Variants in PKHD1L1 observed in about 807,000 individuals in gnomAD.
PKHD1L1 encodes the protein PKHD1 like 1.
Under a neutral mutation model 462.9 loss-of-function variants are expected in PKHD1L1, and 434 were observed. The ratio of observed to expected loss-of-function variants is 0.94; its 90% CI spans 0.87 to 1.02. The LOEUF (loss-of-function observed/expected upper bound fraction) is 1.02. Ranked by LOEUF, PKHD1L1 falls within the 50% of genes least tolerant of loss-of-function variation. The pLI is 0.00. For synonymous variants in PKHD1L1, 1,781 were observed against 1,750.0 expected, an observed-to-expected ratio of 1.02 and a Z score of -0.44; for missense variants, 5,202 against 5,096.1, an observed-to-expected ratio of 1.02 and a Z score of -0.63.
intron 38 of PKHD1L1, among the ~76,000 whole-genome samples, chr8:109,446,061 ATTAAC>A (rs576201522): frequency 1.3e-5 from 2 of 152,332 alleles, no homozygotes; most frequent in African/African-American, 4.8e-5. Context: ...ACAAATGAAT[ATTAAC>A]TTATTAGCAT....
chr8:109,426,876 C>G, intron 24 of PKHD1L1, 126 bp from the exon 25 acceptor site: 1 of 642,308 alleles, frequency 1.6e-6, no homozygotes, highest in Non-Finnish European at 2.8e-6. Context: ...TGATCTCAAA[C>G]GCCTGACCTC....
chr8:109,441,165 T>A, intron 33 of PKHD1L1, 110 bp from the exon 34 acceptor site: 2 of 761,952 alleles, frequency 2.6e-6, no homozygotes, highest in South Asian at 4.7e-5. Flanking sequence ...AGGCAGAGTT[T>A]TTTTTAGGGT....
intron 42 of PKHD1L1, among the ~76,000 whole-genome samples, 178 bp from the exon 43 acceptor site, chr8:109,452,540 G>A (rs1033016481): frequency 6.6e-6 from 1 of 150,742 alleles, no homozygotes; most frequent in South Asian, 2.1e-4. Context: ...AAACCAAGAG[G>A]CAATTATGAC....
At chr8:109,439,152 G>T in intron 32 of PKHD1L1, 60 bp downstream of exon 32, 1 of 1,457,118 alleles carries the variant, frequency 6.9e-7, no homozygotes. Flanking sequence ...GTGGAATTGG[G>T]ATAGGAAAAG....
At chr8:109,514,073 CT>C (rs1269462866) in intron 71 of PKHD1L1, among the ~76,000 whole-genome samples, 2 of 152,270 alleles carry the variant, frequency 1.3e-5, no homozygotes, top group East Asian at 3.9e-4. Context: ...TCTCCCACCC[CT>C]GAGCTCTCTG....
chr8:109,529,046 T>C (rs1014121005), intron 77 of PKHD1L1, among the ~76,000 whole-genome samples: 1 of 152,160 alleles, frequency 6.6e-6, no homozygotes, highest in Non-Finnish European at 1.5e-5. Context: ...GGTAACAATT[T>C]AGAAGAATAC....
intron 5 of PKHD1L1, among the ~76,000 whole-genome samples, chr8:109,384,354 C>T (rs919873078): frequency 1.3e-5 from 2 of 151,922 alleles, no homozygotes; most frequent in African/African-American, 4.8e-5. Flanking sequence ...GCCTGGGCAA[C>T]ATCATGAGAC....
At chr8:109,475,763 G>T (rs539084982) in intron 51 of PKHD1L1, among the ~76,000 whole-genome samples, 4 of 146,758 alleles carry the variant, frequency 2.7e-5, no homozygotes, top group Admixed American at 7.0e-5. Flanking sequence ...CAGGAGAATC[G>T]CTTGAACCCA....
At chr8:109,438,508 T>G in intron 31 of PKHD1L1, 52 bp downstream of exon 31, 1 of 1,459,950 alleles carries the variant, frequency 6.8e-7, no homozygotes, top group Non-Finnish European at 9.1e-7. Flanking sequence ...TAAAAAACAT[T>G]TCTAGAAAGG....
At chr8:109,437,617 C>T (rs1815503123) in intron 30 of PKHD1L1, among the ~76,000 whole-genome samples, 1 of 151,056 alleles carries the variant, frequency 6.6e-6, no homozygotes, top group African/African-American at 2.4e-5. Flanking sequence ...CTGTCACTGA[C>T]TTTTTTTAAA....
rs1305977300 is a variant in PKHD1L1 at position 109,496,899 on chromosome 8, G to T, written c.10328-20G>T. 1 of 1,598,224 alleles carries T rather than the reference G, an allele frequency of 6.3e-7. No individual in the cohort carries two copies. The highest frequency in any genetic ancestry group is 8.5e-7 in the Non-Finnish European group (1 of 1,170,802). On this transcript the variant is annotated intron_variant, in intron 63 of 77. Coordinates refer to ENST00000378402, the MANE Select transcript of PKHD1L1 (RefSeq NM_177531.6). Reference sequence around the variant, plus strand: ...CATGAAATGTAGTGTTCATTCTCTGGTTCTATATTTCCCTCCAAGGCCAGT... The same window carrying T: ...CATGAAATGTAGTGTTCATTCTCTGTTTCTATATTTCCCTCCAAGGCCAGT...
chr8:109,364,412 T>C (rs918022554), intron 1 of PKHD1L1, 135 bp from the exon 2 acceptor site: 1 of 689,810 alleles, frequency 1.4e-6, no homozygotes, highest in African/African-American at 1.8e-5. Context: ...AAATAAAACC[T>C]GGGTGAATTT....
At position 109,389,081 on chromosome 8, in the gene PKHD1L1, A is replaced by C. The variant is rs533309592; in HGVS notation, c.626A>C (p.Tyr209Ser). Residue 209 changes from tyrosine to serine, a missense_variant and splice_region_variant, in exon 8 of 78, where the codon TAT becomes TCT. By Grantham distance (144) the Tyr-to-Ser change is moderately radical (BLOSUM62 -2). This residue lies in a region of PKHD1L1 where 4,497 missense variants were observed against 4,336.8 expected (regional missense o/e 1.04). Coordinates refer to ENST00000378402, the MANE Select transcript of PKHD1L1 (RefSeq NM_177531.6). ...ELLIPQSDNL[Y>S]GLKLDHPNGD... ...GACATTAACTTTTTTTTAATTAGAT[A>C]TGGTCTAAAACTGGATCATCCAAAT... 1 of 1,594,414 alleles carries C rather than the reference A, an allele frequency of 6.3e-7. No individual in the cohort carries two copies. The highest frequency in any genetic ancestry group is 1.4e-5 in the African/African-American group (1 of 74,056).
At chr8:109,490,808 A>G (rs190478353) in intron 60 of PKHD1L1, among the ~76,000 whole-genome samples, 164 bp from the exon 61 acceptor site, 8 of 151,928 alleles carry the variant, frequency 5.3e-5, no homozygotes, top group African/African-American at 1.9e-4. Context: ...CATATTTTAT[A>G]TATGGATATA....
In PKHD1L1 at chr8:109,530,129, G is replaced by A. The variant is rs1355129871; in HGVS notation, c.*39G>A. ...AGAATAGGCTGAAACAAAAATATAAGAATTATTAGCTACTTTGTTGGGCAA... is the reference window on the plus strand; with the variant it reads ...AGAATAGGCTGAAACAAAAATATAAAAATTATTAGCTACTTTGTTGGGCAA... On this transcript the variant is annotated 3_prime_UTR_variant, in exon 78 of 78. Transcript: ENST00000378402. 8.7e-6 allele frequency: 11 copies of A among 1,264,214 alleles called. No homozygotes were observed. The highest frequency in any genetic ancestry group is 1.1e-5 in the Non-Finnish European group (11 of 965,890). The allele number at this position is 1,264,214 out of a possible 1,614,324, so 78.3% of individuals were successfully genotyped here.
chr8:109,434,425 T>C (rs1815281430), intron 28 of PKHD1L1, among the ~76,000 whole-genome samples: 1 of 152,008 alleles, frequency 6.6e-6, no homozygotes, highest in Non-Finnish European at 1.5e-5. Flanking sequence ...TTTTTTGGTT[T>C]TGTTTTTGGT....
chr8:109,423,440 TG>T (rs980431802), intron 23 of PKHD1L1, among the ~76,000 whole-genome samples: 11 of 152,314 alleles, frequency 7.2e-5, no homozygotes, highest in African/African-American at 2.6e-4. Context: ...CATATTTGTG[TG>T]GGCATATTTC....
At chr8:109,365,307 T>A (rs894849333) in intron 2 of PKHD1L1, among the ~76,000 whole-genome samples, 3 of 152,210 alleles carry the variant, frequency 2.0e-5, no homozygotes, top group Non-Finnish European at 2.9e-5. Context: ...TAAGAAACAT[T>A]TAAAAATATT....
At chr8:109,382,681 C>T (rs1185810110) in intron 4 of PKHD1L1, 110 bp downstream of exon 4, 1 of 653,436 alleles carries the variant, frequency 1.5e-6, no homozygotes, top group Admixed American at 3.5e-5. Context: ...TTTAAAAATA[C>T]ATTAGCATGT....
Sources: allele counts gnomAD v4.1 joint callset (sites outside exome capture counted in the v4.1 genomes callset), GRCh38; gene constraint gnomAD v4.1.1; regional missense constraint gnomAD v4.1.1; transcripts MANE v1.5; gene names NCBI Gene and HGNC (gene_info 2026-07-23, HGNC 2026-07-21).